Variants in CACNB2 observed in about 807,000 individuals in gnomAD.
CACNB2 encodes the protein voltage-dependent L-type calcium channel subunit beta-2.
Under a neutral mutation model 73.3 loss-of-function variants are expected in CACNB2, and 42 were observed. That is an observed-to-expected ratio of 0.57 (90% CI 0.45 to 0.74). CACNB2 has a LOEUF of 0.74. Ranked by LOEUF, CACNB2 falls within the 30% of genes least tolerant of loss-of-function variation. The pLI is 0.00. For synonymous variants in CACNB2, 348 were observed against 310.3 expected (o/e 1.12, Z -1.28); for missense variants, 940 against 853.0 (o/e 1.10, Z -1.27).
intron 2 of CACNB2, among the ~76,000 whole-genome samples, chr10:18,299,547 C>T (rs1371790298): frequency 6.6e-6 from 1 of 152,000 alleles, no homozygotes; most frequent in African/African-American, 2.4e-5. Context: ...CCCATCTCCA[C>T]AAAAAATACA....
chr10:18,362,216 C>G (rs928172978), intron 2 of CACNB2, among the ~76,000 whole-genome samples: 7 of 152,244 alleles, frequency 4.6e-5, no homozygotes, highest in Middle Eastern at 6.8e-3. Flanking sequence ...TTCTTTTCAG[C>G]CATATTGTTT....
At chr10:18,509,997 C>G (rs1468241810) in intron 6 of CACNB2, among the ~76,000 whole-genome samples, 1 of 152,200 alleles carries the variant, frequency 6.6e-6, no homozygotes, top group Non-Finnish European at 1.5e-5. Flanking sequence ...GGAGAACCAT[C>G]TGAGTCTAAT....
intron 2 of CACNB2, among the ~76,000 whole-genome samples, chr10:18,386,335 T>G (rs1187318484): frequency 6.6e-6 from 1 of 152,072 alleles, no homozygotes; most frequent in Non-Finnish European, 1.5e-5. Flanking sequence ...TGTCAGCATA[T>G]GATGACATAT....
intron 3 of CACNB2, among the ~76,000 whole-genome samples, chr10:18,421,201 T>A (rs1461176056): frequency 6.8e-6 from 1 of 146,530 alleles, no homozygotes. Flanking sequence ...CCCTTGACAT[T>A]TTTCTTTAAA....
chr10:18,260,911 G>A, intron 2 of CACNB2: 1 of 1,144,356 alleles, frequency 8.7e-7, no homozygotes. Context: ...TACTGTAAAA[G>A]CGTCACCAAG....
intron 1 of CACNB2, chr10:18,141,239 G>T: frequency 1.4e-6 from 1 of 723,966 alleles, no homozygotes; most frequent in Non-Finnish European, 2.4e-6. Context: ...GGCGGGAGGG[G>T]GCCCGCTTCC....
intron 2 of CACNB2, among the ~76,000 whole-genome samples, chr10:18,391,275 C>G (rs1050060979): frequency 6.6e-6 from 1 of 152,192 alleles, no homozygotes; most frequent in Admixed American, 6.5e-5. Flanking sequence ...ATCATCCGTT[C>G]ATCATGGAAA....
intron 12 of CACNB2, 91 bp downstream of exon 12, chr10:18,536,287 T>G: frequency 9.5e-6 from 6 of 630,952 alleles, no homozygotes; most frequent in Non-Finnish European, 1.6e-5. Context: ...GGACAAGGTC[T>G]TGCTCTGTTG....
At chr10:18,484,755 A>G (rs1399356785) in intron 3 of CACNB2, among the ~76,000 whole-genome samples, 2 of 152,230 alleles carry the variant, frequency 1.3e-5, no homozygotes, top group Non-Finnish European at 2.9e-5. Flanking sequence ...ACAGGTAGAA[A>G]GTAAAATGTT....
At chr10:18,302,168 T>C (rs900681964) in intron 2 of CACNB2, among the ~76,000 whole-genome samples, 9 of 151,924 alleles carry the variant, frequency 5.9e-5, no homozygotes, top group African/African-American at 2.2e-4. Context: ...ATGAAATCAC[T>C]CATTTAGCAG....
chr10:18,156,165 T>C (rs2032031127), intron 2 of CACNB2, among the ~76,000 whole-genome samples: 1 of 152,210 alleles, frequency 6.6e-6, no homozygotes, highest in Non-Finnish European at 1.5e-5. Flanking sequence ...TCCAGACTTT[T>C]AGTTGTATAG....
chr10:18,169,474 A>G (rs951082521), intron 2 of CACNB2, among the ~76,000 whole-genome samples: 3 of 152,228 alleles, frequency 2.0e-5, no homozygotes, highest in African/African-American at 4.8e-5. Flanking sequence ...ATCTATTTAC[A>G]TTTTAAAATA....
intron 9 of CACNB2, among the ~76,000 whole-genome samples, chr10:18,523,214 G>C (rs895337264): frequency 6.8e-6 from 1 of 147,442 alleles, no homozygotes; most frequent in Admixed American, 7.1e-5. Context: ...TTGTCAACAT[G>C]AGCCTGAACA....
At chr10:18,511,475 G>A (rs936909643) in intron 6 of CACNB2, among the ~76,000 whole-genome samples, 2 of 152,226 alleles carry the variant, frequency 1.3e-5, no homozygotes, top group African/African-American at 4.8e-5. Context: ...AAGGTTAGAA[G>A]AAGCTGCTGT....
At chr10:18,474,866 C>A (rs1421807391) in intron 3 of CACNB2, among the ~76,000 whole-genome samples, 2 of 151,748 alleles carry the variant, frequency 1.3e-5, no homozygotes, top group Admixed American at 1.3e-4. Flanking sequence ...GGAGTTAGTG[C>A]AGACCCAACA....
chr10:18,328,135 A>G (rs1345400451), intron 2 of CACNB2, among the ~76,000 whole-genome samples: 1 of 152,186 alleles, frequency 6.6e-6, no homozygotes, highest in Non-Finnish European at 1.5e-5. Flanking sequence ...GTAGAAATTC[A>G]AGAGCTGCCA....
chr10:18,230,135 T>C (rs1256795540), intron 2 of CACNB2, among the ~76,000 whole-genome samples: 1 of 152,196 alleles, frequency 6.6e-6, no homozygotes, highest in Admixed American at 6.5e-5. Flanking sequence ...TTTTACATAG[T>C]TGGTTCAAAA....
At chr10:18,464,340 A>G (rs1055847278) in intron 3 of CACNB2, among the ~76,000 whole-genome samples, 1 of 146,118 alleles carries the variant, frequency 6.8e-6, no homozygotes, top group Non-Finnish European at 1.5e-5. Context: ...GAGCCTAAGG[A>G]GGTCGAGGCT....
intron 2 of CACNB2, among the ~76,000 whole-genome samples, chr10:18,277,428 T>C (rs2131678191): frequency 6.6e-6 from 1 of 152,370 alleles, no homozygotes; most frequent in South Asian, 2.1e-4. Flanking sequence ...GCCCGGCCCC[T>C]TGTGGGGACT....
Sources: gnomAD v4.1 joint callset for allele counts (sites outside exome capture counted in the v4.1 genomes callset) on GRCh38, gnomAD v4.1.1 for gene constraint, MANE v1.5 for transcripts, NCBI Gene and HGNC (gene_info 2026-07-23, HGNC 2026-07-21) for gene names.